CBLB: variants seen among roughly 807,000 people sequenced by gnomAD.
CBLB encodes the protein Cbl proto-oncogene B, also known as E3 ubiquitin-protein ligase CBL-B.
In CBLB, 31 loss-of-function variants were observed where a neutral mutation model predicts 104.9. That is an observed-to-expected ratio of 0.30 (90% CI 0.22 to 0.40). The LOEUF is 0.40. Ranked by LOEUF, CBLB falls within the 10% of genes least tolerant of loss-of-function variation. CBLB has a pLI of 1.00. For synonymous variants in CBLB, 440 were observed against 422.6 expected (o/e 1.04, Z -0.51); for missense variants, 1,062 against 1,214.6 (o/e 0.87, Z 1.87).
rs1017212319 is a variant in CBLB, at chr3:105,685,588, G to C, written c.2055-122C>G. On this transcript the variant is annotated intron_variant, in intron 13 of 18. Coordinates refer to ENST00000394030, the MANE Select transcript of CBLB (RefSeq NM_170662.5). Reference sequence around the variant, plus strand: ...CTTATGTTCATTTTTCAATTACAGGGTATCATCAGAGAAGCTGTTCTTATA... The same window carrying C: ...CTTATGTTCATTTTTCAATTACAGGCTATCATCAGAGAAGCTGTTCTTATA... 32 of 786,092 alleles carry C rather than the reference G, an allele frequency of 4.1e-5. No homozygotes were observed. In the African/African-American group the frequency reaches 5.0e-4, roughly 12 times the overall value. The allele number at this position is 786,092 out of a possible 1,614,324, so 48.7% of individuals were successfully genotyped here. A position where few individuals can be genotyped will look rare whatever the true frequency, so the allele number is the denominator to read the frequency against.
chr3:105,865,491 A>G (rs562488262), intron 2 of CBLB, among the ~76,000 whole-genome samples: 1 of 152,278 alleles, frequency 6.6e-6, no homozygotes, highest in Non-Finnish European at 1.5e-5. Context: ...AAGTTTCTCA[A>G]TTGGAGAGAC....
rs754881561 is a variant in CBLB, at chr3:105,702,320, A to T, written c.1733T>A (p.Val578Glu). ...DNRLSRHIHH[V>E]ESVPSRDPPM... ...CGGGTCTCTGGAAGGCACGCTTTCC[A>T]CATGATGGATGTGTCTACTCAGTCT... is the stretch of plus-strand genomic sequence containing the variant. Residue 578 changes from valine to glutamate, a missense_variant, in exon 12 of 19, where the codon GTG becomes GAG. Physicochemically the swap from Val to Glu is moderately radical, Grantham distance 121. Coordinates refer to ENST00000394030, the MANE Select transcript of CBLB (RefSeq NM_170662.5). 4 of 1,613,622 alleles carry T rather than the reference A, an allele frequency of 2.5e-6. No homozygotes were observed. Among genetic ancestry groups the T allele is most frequent in the Non-Finnish European group, 3.4e-6 (4 of 1,179,944 alleles).
At chr3:105,724,098 T>C (rs1267515622) in intron 9 of CBLB, 1 of 175,066 alleles carries the variant, frequency 5.7e-6, no homozygotes, top group Non-Finnish European at 1.2e-5. Context: ...ACTGGAAAAA[T>C]TATATGTATA....
intron 4 of CBLB, among the ~76,000 whole-genome samples, chr3:105,770,532 G>A (rs549929973): frequency 2.0e-5 from 3 of 152,324 alleles, no homozygotes; most frequent in East Asian, 1.9e-4. Context: ...AAAGGACACA[G>A]GGTGAAAGAA....
At chr3:105,687,705 A>G (rs1173954246) in intron 13 of CBLB, among the ~76,000 whole-genome samples, 2 of 152,006 alleles carry the variant, frequency 1.3e-5, no homozygotes, top group Non-Finnish European at 1.5e-5. Context: ...AAAATGTTTA[A>G]TATCAGTATA....
chr3:105,801,080 T>C (rs1334542539), intron 3 of CBLB, among the ~76,000 whole-genome samples: 1 of 152,182 alleles, frequency 6.6e-6, no homozygotes, highest in Non-Finnish European at 1.5e-5. Context: ...ACAACTGTTT[T>C]TTTCTTAATC....
At position 105,868,002 on chromosome 3, in the gene CBLB, T is replaced by C. The variant is rs143058046; in HGVS notation, c.-14-411A>G. 1.7e-3 allele frequency among the ~76,000 whole-genome samples: 259 copies of C among 152,184 alleles called. No homozygotes were observed. The Middle Eastern group carries it at 0.027, about 16-fold the overall frequency. ...ACCAGAACAACTGAAGGTCCTATCA[T>C]ACATTTTGGGAGCCTTACGCAGAAA... On this transcript the variant is annotated intron_variant, in intron 1 of 18. Transcript: ENST00000394030.
At chr3:105,706,497 C>T (rs1314320047) in intron 10 of CBLB, among the ~76,000 whole-genome samples, 1 of 152,146 alleles carries the variant, frequency 6.6e-6, no homozygotes, top group African/African-American at 2.4e-5. Flanking sequence ...CAGGGCCTCA[C>T]ATGTTCCATA....
intron 3 of CBLB, among the ~76,000 whole-genome samples, chr3:105,778,000 C>G (rs1488495538): frequency 6.6e-6 from 1 of 152,112 alleles, no homozygotes; most frequent in African/African-American, 2.4e-5. Flanking sequence ...TCTTTATATT[C>G]CCTTTTGCTC....
intron 2 of CBLB, among the ~76,000 whole-genome samples, chr3:105,860,554 G>C (rs1050985833): frequency 6.6e-6 from 1 of 152,156 alleles, no homozygotes; most frequent in African/African-American, 2.4e-5. Flanking sequence ...TCTTCTTCGG[G>C]AAACCTCTTA....
At chr3:105,809,521 T>A (rs140016764) in intron 3 of CBLB, among the ~76,000 whole-genome samples, 1 of 152,078 alleles carries the variant, frequency 6.6e-6, no homozygotes, top group East Asian at 1.9e-4. Flanking sequence ...ATACATACAG[T>A]CTACCAAGAA....
At position 105,707,197 on chromosome 3, in the gene CBLB, C is replaced by T. The variant is rs145554524; in HGVS notation, c.1408-3024G>A. ...CCTTGAACTTTTAGATACTTCCAGA[C>T]GAGCAGGCTCTCTGAAGCTTTGTGA... is the stretch of plus-strand genomic sequence containing the variant. On this transcript the variant is annotated intron_variant, in intron 10 of 18. Coordinates refer to ENST00000394030, the MANE Select transcript of CBLB (RefSeq NM_170662.5). Among the ~76,000 whole-genome samples, 218 of 152,262 alleles carry T rather than the reference C, an allele frequency of 1.4e-3. 1 individual carries two copies. Among genetic ancestry groups the T allele is most frequent in the African/African-American group, 3.9e-3 (163 of 41,566 alleles).
chr3:105,707,406 T>G (rs1327990808), intron 10 of CBLB, among the ~76,000 whole-genome samples: 1 of 152,198 alleles, frequency 6.6e-6, no homozygotes, highest in Non-Finnish European at 1.5e-5. Context: ...ATTGATTATA[T>G]GTACTAAACT....
intron 3 of CBLB, among the ~76,000 whole-genome samples, chr3:105,835,288 T>C (rs984962143): frequency 6.6e-6 from 1 of 152,216 alleles, no homozygotes; most frequent in Admixed American, 6.5e-5. Flanking sequence ...GAAATCTTTT[T>C]GTGAAAACTG....
intron 14 of CBLB, among the ~76,000 whole-genome samples, chr3:105,683,649 C>T (rs1444831888): frequency 1.3e-5 from 2 of 152,058 alleles, no homozygotes; most frequent in Non-Finnish European, 2.9e-5. Flanking sequence ...GCCAAAGAAC[C>T]GAAAATTGTA....
At chr3:105,861,821 C>T (rs2092120817) in intron 2 of CBLB, among the ~76,000 whole-genome samples, 1 of 151,918 alleles carries the variant, frequency 6.6e-6, no homozygotes, top group Non-Finnish European at 1.5e-5. Flanking sequence ...TTAAATAATC[C>T]ACATACTCAT....
chr3:105,767,904 A>G (rs1397184333), intron 4 of CBLB, among the ~76,000 whole-genome samples: 1 of 152,218 alleles, frequency 6.6e-6, no homozygotes, highest in African/African-American at 2.4e-5. Flanking sequence ...AGGGACAGAT[A>G]ATCTGGCTGC....
At chr3:105,674,722 CT>C (rs1201853687) in intron 17 of CBLB, among the ~76,000 whole-genome samples, 1 of 152,060 alleles carries the variant, frequency 6.6e-6, no homozygotes, top group Non-Finnish European at 1.5e-5. Context: ...TAGTGGTAGC[CT>C]TGGGATTGGA....
At chr3:105,778,917 C>G (rs796809467) in intron 3 of CBLB, among the ~76,000 whole-genome samples, 2 of 152,094 alleles carry the variant, frequency 1.3e-5, no homozygotes, top group Non-Finnish European at 2.9e-5. Context: ...GTGGCTCGTA[C>G]AAACTACAAC....
Sources: gnomAD v4.1 joint callset for allele counts (sites outside exome capture counted in the v4.1 genomes callset) on GRCh38, gnomAD v4.1.1 for gene constraint, MANE v1.5 for transcripts, NCBI Gene and HGNC (gene_info 2026-07-23, HGNC 2026-07-21) for gene names.